LYRM4: variants seen among roughly 807,000 people sequenced by gnomAD.
LYRM4 encodes the protein LYR motif containing 4.
In LYRM4, 9 loss-of-function variants were observed where a neutral mutation model predicts 11.7. The observed-to-expected ratio is 0.77, with a 90% confidence interval of 0.46 to 1.34. The LOEUF (loss-of-function observed/expected upper bound fraction) is 1.34, where lower values mean the gene tolerates loss of function less well. LYRM4 is among the 40% of genes most tolerant of loss of function. The pLI, the probability that LYRM4 is intolerant of heterozygous loss-of-function variation, is 0.00. For missense variants in LYRM4, 133 were observed against 112.5 expected, an observed-to-expected ratio of 1.18 and a Z score of -0.82; for synonymous variants, 42 against 40.4, an observed-to-expected ratio of 1.04 and a Z score of -0.15.
At chr6:5,044,313 T>G in the LYRM4 span, among the ~76,000 whole-genome samples, 1 of 152,084 alleles carries the variant, frequency 6.6e-6, no homozygotes, top group Non-Finnish European at 1.5e-5. Context: ...GTGTTTTTAG[T>G]AGAGATGGGG....
At chr6:5,161,489 T>C (rs1444771363) in intron 2 of LYRM4, among the ~76,000 whole-genome samples, 1 of 152,246 alleles carries the variant, frequency 6.6e-6, no homozygotes, top group Non-Finnish European at 1.5e-5. Context: ...GAATAACTTA[T>C]GAAATCAAAG....
chr6:5,132,112 TC>T (rs1763982166), intron 2 of LYRM4, among the ~76,000 whole-genome samples: 1 of 152,188 alleles, frequency 6.6e-6, no homozygotes, highest in Non-Finnish European at 1.5e-5. Flanking sequence ...TTTTTGCATC[TC>T]ATCTCTTAAC....
intron 2 of LYRM4, chr6:5,136,424 G>C (rs72811636): frequency 5.5e-5 from 54 of 984,246 alleles, no homozygotes; most frequent in Non-Finnish European, 6.4e-5. Flanking sequence ...CCTGGGGTTT[G>C]TCCCAAGACA....
chr6:5,116,805 T>A (rs191310654), intron 2 of LYRM4, among the ~76,000 whole-genome samples: 309 of 152,310 alleles, frequency 2.0e-3, no homozygotes, highest in African/African-American at 6.9e-3. Flanking sequence ...ACTTAAGAGC[T>A]CTGAGACTCA....
intron 2 of LYRM4, among the ~76,000 whole-genome samples, chr6:5,179,065 CAAAAAAAAAAAA>C (rs58749743): frequency 1.9e-5 from 2 of 103,904 alleles, no homozygotes. Context: ...ACCAAAAAAA[CAAAAAAAAAAAA>C]AAAAAAAAAA....
At chr6:5,094,799 C>T in the LYRM4 span, among the ~76,000 whole-genome samples, 594 of 152,184 alleles carry the variant, frequency 3.9e-3, 2 homozygotes, top group African/African-American at 0.014. Flanking sequence ...GATTTGAATA[C>T]AGAATGTAAG....
At chr6:5,059,683 C>A in the LYRM4 span, among the ~76,000 whole-genome samples, 1 of 152,178 alleles carries the variant, frequency 6.6e-6, no homozygotes. Flanking sequence ...CTAACATCAT[C>A]CACATTTCCT....
chr6:5,113,283 G>A, intron 2 of LYRM4: 3 of 445,776 alleles, frequency 6.7e-6, no homozygotes, highest in Non-Finnish European at 1.3e-5. Context: ...AAATATATAG[G>A]CCATGGTGGC....
At chr6:5,060,416 G>T in the LYRM4 span, among the ~76,000 whole-genome samples, 2 of 151,636 alleles carry the variant, frequency 1.3e-5, no homozygotes, top group Admixed American at 1.3e-4. Context: ...TTTTGGTTTT[G>T]TTTCTTGCTT....
intron 2 of LYRM4, among the ~76,000 whole-genome samples, chr6:5,146,532 A>G (rs1251587779): frequency 6.6e-6 from 1 of 152,192 alleles, no homozygotes; most frequent in Non-Finnish European, 1.5e-5. Context: ...GGCCCCACTC[A>G]GTGGCCCACT....
chr6:5,249,815 C>T (rs1764350820), intron 1 of LYRM4, among the ~76,000 whole-genome samples: 1 of 152,088 alleles, frequency 6.6e-6, no homozygotes, highest in South Asian at 2.1e-4. Flanking sequence ...TGGGGAAATA[C>T]TAAGAGAAAT....
At chr6:5,180,280 C>A (rs994274847) in intron 2 of LYRM4, among the ~76,000 whole-genome samples, 34 of 152,158 alleles carry the variant, frequency 2.2e-4, no homozygotes, top group African/African-American at 8.0e-4. Flanking sequence ...AGGTGTACAC[C>A]GTGGCAGGAT....
At chr6:5,101,319 T>C (rs988749700), downstream of LYRM4, among the ~76,000 whole-genome samples, 2 of 152,228 alleles carry the variant, frequency 1.3e-5, no homozygotes, top group African/African-American at 2.4e-5. Context: ...GATGAATCCA[T>C]GTTTGGTCCA....
At chr6:5,126,053 C>T (rs1410609644) in intron 2 of LYRM4, among the ~76,000 whole-genome samples, 3 of 152,228 alleles carry the variant, frequency 2.0e-5, no homozygotes, top group Non-Finnish European at 2.9e-5. Flanking sequence ...TAGAGTAATA[C>T]GTTCCTGTCA....
At chr6:5,216,788 C>T (rs1330236656) in intron 1 of LYRM4, 50 bp from the exon 2 acceptor site, 3 of 1,573,028 alleles carry the variant, frequency 1.9e-6, no homozygotes, top group East Asian at 2.2e-5. Flanking sequence ...GTGTCTGAGG[C>T]TATGCTTTCA....
At chr6:5,122,716 C>T (rs867756894) in intron 2 of LYRM4, among the ~76,000 whole-genome samples, 4 of 152,216 alleles carry the variant, frequency 2.6e-5, no homozygotes, top group Admixed American at 6.5e-5. Flanking sequence ...AGCTGTCCTA[C>T]CTCTGCGCTC....
intron 2 of LYRM4, among the ~76,000 whole-genome samples, chr6:5,194,282 T>C (rs887346027): frequency 6.6e-6 from 1 of 152,186 alleles, no homozygotes; most frequent in African/African-American, 2.4e-5. Flanking sequence ...TGTTGAAGGA[T>C]ACATATTTGA....
chr6:5,090,072 AT>A, the LYRM4 span, among the ~76,000 whole-genome samples: 3 of 147,208 alleles, frequency 2.0e-5, no homozygotes, highest in Non-Finnish European at 4.5e-5. The surrounding 1 kb of genome is among the most constrained non-coding windows in gnomAD (Gnocchi z 4.8). Flanking sequence ...AATCCCTGCA[AT>A]GCAGTCAGTG....
the LYRM4 span, chr6:5,084,669 C>G: frequency 6.6e-6 from 1 of 152,206 alleles, no homozygotes; most frequent in Non-Finnish European, 1.5e-5. Flanking sequence ...CAGCCCACCC[C>G]GCGCCGCCAC....
Sources: allele counts gnomAD v4.1 joint callset (sites outside exome capture counted in the v4.1 genomes callset), GRCh38; gene constraint gnomAD v4.1.1; non-coding constraint Gnocchi (gnomAD v3.1); transcripts MANE v1.5; gene names NCBI Gene and HGNC (gene_info 2026-07-23, HGNC 2026-07-21).